The following RALYL variants were observed in gnomAD, a reference collection of about 807,000 sequenced individuals.
RALYL encodes RNA-binding Raly-like protein.
In RALYL, 29 loss-of-function variants were observed where a neutral mutation model predicts 35.1. The ratio of observed to expected loss-of-function variants is 0.83; its 90% CI spans 0.61 to 1.13. The LOEUF is 1.13. RALYL is among the 50% of genes most tolerant of loss of function. RALYL has a pLI of 0.00. For synonymous variants in RALYL, 120 were observed against 127.6 expected (o/e 0.94, Z 0.40); for missense variants, 359 against 360.4 (o/e 1.00, Z 0.03).
intron 1 of RALYL, among the ~76,000 whole-genome samples, chr8:84,354,502 T>C (rs1275170284): frequency 6.7e-6 from 1 of 150,362 alleles, no homozygotes. Context: ...TCTCCACAGC[T>C]CTATTTCCCT....
At chr8:84,667,571 A>G (rs1832337005) in intron 2 of RALYL, among the ~76,000 whole-genome samples, 2 of 152,078 alleles carry the variant, frequency 1.3e-5, no homozygotes, top group African/African-American at 4.8e-5. Flanking sequence ...GTTAAAGTAG[A>G]CTGCTGAAGG....
intron 3 of RALYL, among the ~76,000 whole-genome samples, chr8:84,803,961 G>A (rs759605614): frequency 3.3e-5 from 5 of 152,106 alleles, no homozygotes; most frequent in Non-Finnish European, 5.9e-5. Context: ...AACCTATAAT[G>A]AAACTAGCGT....
At chr8:84,190,874 T>C (rs1813679018) in intron 1 of RALYL, among the ~76,000 whole-genome samples, 1 of 151,812 alleles carries the variant, frequency 6.6e-6, no homozygotes, top group Admixed American at 6.6e-5. Flanking sequence ...ACATCTGCTT[T>C]TTTTTTTGAG....
chr8:84,203,268 C>T (rs1817322806), intron 1 of RALYL, among the ~76,000 whole-genome samples: 1 of 150,150 alleles, frequency 6.7e-6, no homozygotes, highest in Non-Finnish European at 1.5e-5. Flanking sequence ...GTCCTTCCTT[C>T]TTTTCTTTCT....
chr8:84,334,857 T>C lies in RALYL; in HGVS notation c.-24+150433T>C, dbSNP rs191778318. ...TAGCACAATCTCTAGTCCAGTCCCA[T>C]TTAGAGTCAGAATTCCAAACATCTT... On this transcript the variant is annotated intron_variant, in intron 1 of 8. Transcript: ENST00000521268. 3.3e-5 allele frequency among the ~76,000 whole-genome samples: 5 copies of C among 152,292 alleles called. No homozygotes were observed. The East Asian group carries it at 5.8e-4, about 18-fold the overall frequency.
intron 1 of RALYL, among the ~76,000 whole-genome samples, chr8:84,499,130 C>T (rs988193578): frequency 5.4e-5 from 8 of 149,490 alleles, no homozygotes; most frequent in African/African-American, 7.4e-5. Flanking sequence ...AGAGTAAATG[C>T]GCAGGTTTGT....
chr8:84,204,866 G>T (rs1225516830), intron 1 of RALYL, among the ~76,000 whole-genome samples: 1 of 152,070 alleles, frequency 6.6e-6, no homozygotes, highest in East Asian at 1.9e-4. Flanking sequence ...CTTACTGTGG[G>T]CTAGGCATAC....
intron 1 of RALYL, among the ~76,000 whole-genome samples, chr8:84,346,619 C>T (rs1206510723): frequency 6.6e-6 from 1 of 151,998 alleles, no homozygotes; most frequent in African/African-American, 2.4e-5. Flanking sequence ...CAGGTGTGTG[C>T]CACCATGTCC....
At chr8:84,549,420 G>A (rs2060572737) in intron 2 of RALYL, among the ~76,000 whole-genome samples, 1 of 152,152 alleles carries the variant, frequency 6.6e-6, no homozygotes, top group Non-Finnish European at 1.5e-5. Context: ...TCTTTTTGAT[G>A]ACATAGCTCT....
At chr8:84,371,684 T>C (rs111705176) in intron 1 of RALYL, among the ~76,000 whole-genome samples, 4,488 of 152,108 alleles carry the variant, frequency 0.03, 213 homozygotes, top group African/African-American at 0.1. Context: ...AATACTGTGC[T>C]GTGATATACA....
chr8:84,515,110 A>G (rs536880502), intron 1 of RALYL, among the ~76,000 whole-genome samples: 40 of 152,300 alleles, frequency 2.6e-4, no homozygotes, highest in African/African-American at 9.6e-4. Flanking sequence ...AATCTCTGCA[A>G]AGTTAAAGTC....
At chr8:84,522,459 C>T (rs1439642215) in intron 1 of RALYL, among the ~76,000 whole-genome samples, 5 of 151,874 alleles carry the variant, frequency 3.3e-5, no homozygotes, top group Middle Eastern at 3.4e-3. Context: ...CCGTTTTAGC[C>T]GGGATAGTCT....
chr8:84,361,791 C>A (rs73296866), intron 1 of RALYL, among the ~76,000 whole-genome samples: 7,813 of 152,126 alleles, frequency 0.051, 261 homozygotes, highest in African/African-American at 0.084. Context: ...AGAACAATCA[C>A]GAAGAGAACT....
At chr8:84,660,033 G>A (rs1042248324) in intron 2 of RALYL, among the ~76,000 whole-genome samples, 1 of 152,138 alleles carries the variant, frequency 6.6e-6, no homozygotes, top group Admixed American at 6.5e-5. Flanking sequence ...ATAACACTTT[G>A]AAGAATAGTA....
chr8:84,466,518 T>G (rs949283762), intron 1 of RALYL, among the ~76,000 whole-genome samples: 12 of 151,686 alleles, frequency 7.9e-5, no homozygotes, highest in Non-Finnish European at 1.8e-4. Context: ...GGATAAGCTT[T>G]TTGATGTGCT....
rs1402610555 is a variant in RALYL, at chr8:84,386,100, T to A, written c.-23-143199T>A. 4.6e-5 allele frequency among the ~76,000 whole-genome samples: 7 copies of A among 151,808 alleles called. No homozygotes were observed. In the East Asian group the frequency reaches 1.4e-3, roughly 30 times the overall value. ...GGTCTTTTCTGATACTTGAATTAGATCACCAGGTCACTGCAGAGTTATAGA... is the reference window on the plus strand; with the variant it reads ...GGTCTTTTCTGATACTTGAATTAGAACACCAGGTCACTGCAGAGTTATAGA... On this transcript the variant is annotated intron_variant, in intron 1 of 8. Transcript: ENST00000521268.
intron 2 of RALYL, among the ~76,000 whole-genome samples, chr8:84,673,688 A>T (rs1833681933): frequency 6.6e-6 from 1 of 152,146 alleles, no homozygotes; most frequent in Non-Finnish European, 1.5e-5. Flanking sequence ...AGATAATTGT[A>T]GGTGCACAGT....
At chr8:84,525,469 A>G (rs1235713344) in intron 1 of RALYL, among the ~76,000 whole-genome samples, 1 of 151,928 alleles carries the variant, frequency 6.6e-6, no homozygotes, top group Admixed American at 6.6e-5. Flanking sequence ...GTGTGGTTAT[A>G]TACATATTTA....
At chr8:84,896,605 C>T (rs554175564) in intron 8 of RALYL, among the ~76,000 whole-genome samples, 17 of 152,258 alleles carry the variant, frequency 1.1e-4, no homozygotes, top group Non-Finnish European at 2.4e-4. Flanking sequence ...CTAGTTCTCT[C>T]CCATTCACAC....
Sources: gnomAD v4.1 joint callset for allele counts (sites outside exome capture counted in the v4.1 genomes callset) on GRCh38, gnomAD v4.1.1 for gene constraint, MANE v1.5 for transcripts, NCBI Gene and HGNC (gene_info 2026-07-23, HGNC 2026-07-21) for gene names.